The following MLLT10 variants were observed in gnomAD, a reference collection of about 807,000 sequenced individuals.
MLLT10 encodes MLLT10 histone lysine methyltransferase DOT1L cofactor, also known as protein AF-10.
In MLLT10, 30 loss-of-function variants were observed where a neutral mutation model predicts 129.1. The observed-to-expected ratio is 0.23, with a 90% CI of 0.17 to 0.32. The LOEUF (loss-of-function observed/expected upper bound fraction) is 0.32, where lower values mean the gene tolerates loss of function less well. Among genes scored for constraint, MLLT10 ranks in the 10% least tolerant of loss-of-function variants. The pLI is 1.00. For synonymous variants in MLLT10, 490 were observed against 446.4 expected, an observed-to-expected ratio of 1.10 and a Z score of -1.23; for missense variants, 1,119 against 1,268.3, an observed-to-expected ratio of 0.88 and a Z score of 1.79.
intron 3 of MLLT10, among the ~76,000 whole-genome samples, chr10:21,542,878 C>T (rs575840043): frequency 6.6e-6 from 1 of 152,120 alleles, no homozygotes; most frequent in East Asian, 1.9e-4. Context: ...AAAGTGAAAC[C>T]CTCTTTAAGA....
intron 15 of MLLT10, 84 bp from the exon 16 acceptor site, chr10:21,727,772 G>A: frequency 1.9e-6 from 2 of 1,036,514 alleles, no homozygotes; most frequent in East Asian, 5.0e-5. Context: ...TTTAATGTAT[G>A]TTTTAGGAAA....
intron 8 of MLLT10, among the ~76,000 whole-genome samples, chr10:21,626,782 G>T (rs1479329302): frequency 6.6e-6 from 1 of 152,140 alleles, no homozygotes; most frequent in East Asian, 1.9e-4. Flanking sequence ...GAGTTACCTG[G>T]TACCTGCCCT....
chr10:21,574,441 A>G (rs750599274), intron 3 of MLLT10, among the ~76,000 whole-genome samples: 2 of 152,236 alleles, frequency 1.3e-5, no homozygotes, highest in African/African-American at 2.4e-5. Context: ...CCAGACCCCA[A>G]GAGAGGGGTT....
chr10:21,672,492 G>A (rs1471059670), intron 10 of MLLT10, among the ~76,000 whole-genome samples: 1 of 152,040 alleles, frequency 6.6e-6, no homozygotes, highest in African/African-American at 2.4e-5. Context: ...TTTCAGTAGA[G>A]TCGGGGGTTT....
intron 8 of MLLT10, 55 bp downstream of exon 8, chr10:21,617,262 T>G: frequency 2.6e-5 from 26 of 1,007,130 alleles, no homozygotes; most frequent in Non-Finnish European, 3.6e-5. Context: ...TAGAATTTTT[T>G]TTTGCCTTTT....
intron 14 of MLLT10, among the ~76,000 whole-genome samples, chr10:21,714,151 A>G (rs2056350368): frequency 6.6e-6 from 1 of 152,190 alleles, no homozygotes; most frequent in Non-Finnish European, 1.5e-5. Context: ...TATGGGCACC[A>G]ACTAATTCTT....
At chr10:21,647,631 A>T (rs2048620359) in intron 8 of MLLT10, among the ~76,000 whole-genome samples, 2 of 149,684 alleles carry the variant, frequency 1.3e-5, no homozygotes, top group South Asian at 4.4e-4. Flanking sequence ...GGAGAAAAAT[A>T]CTACCTTTAG....
chr10:21,688,246 G>A (rs966458888), intron 13 of MLLT10, among the ~76,000 whole-genome samples: 30 of 152,200 alleles, frequency 2.0e-4, no homozygotes, highest in African/African-American at 7.2e-4. Context: ...GAGGGAAGCA[G>A]TACAAATGGG....
At chr10:21,705,136 C>T (rs376218485) in intron 13 of MLLT10, among the ~76,000 whole-genome samples, 15 of 152,156 alleles carry the variant, frequency 9.9e-5, no homozygotes, top group Middle Eastern at 3.4e-3. Flanking sequence ...TGTGCGAAGA[C>T]GGTGGCAGTG....
intron 9 of MLLT10, among the ~76,000 whole-genome samples, chr10:21,667,942 G>C (rs762021178): frequency 6.6e-6 from 1 of 152,066 alleles, no homozygotes; most frequent in Non-Finnish European, 1.5e-5. Flanking sequence ...TAAAAATGAC[G>C]TGTATTCTGA....
At chr10:21,732,866 GT>G (rs760336285) in intron 17 of MLLT10, 32 bp from the exon 18 acceptor site, 3 of 1,589,336 alleles carry the variant, frequency 1.9e-6, no homozygotes, top group Non-Finnish European at 2.6e-6. Flanking sequence ...GTGTGTACTT[GT>G]CATTATTAAA....
At chr10:21,583,021 T>C (rs939928621) in intron 3 of MLLT10, among the ~76,000 whole-genome samples, 12 of 151,996 alleles carry the variant, frequency 7.9e-5, no homozygotes, top group African/African-American at 2.7e-4. Flanking sequence ...ATAGAAAAAG[T>C]TAGCTGGACG....
intron 6 of MLLT10, 33 bp downstream of exon 6, chr10:21,612,484 A>T: frequency 7.2e-7 from 1 of 1,381,170 alleles, no homozygotes. Flanking sequence ...ACAGAACTGA[A>T]CTTGGTAAAT....
intron 3 of MLLT10, chr10:21,556,798 T>C (rs1564404270): frequency 2.5e-6 from 4 of 1,582,228 alleles, no homozygotes; most frequent in Non-Finnish European, 2.6e-6. Context: ...GGGCTTGTCT[T>C]ACTACAGCAG....
chr10:21,623,969 C>T (rs1286985921), intron 8 of MLLT10, among the ~76,000 whole-genome samples: 1 of 151,660 alleles, frequency 6.6e-6, no homozygotes, highest in Non-Finnish European at 1.5e-5. Flanking sequence ...CTTACATGAA[C>T]AGGAAATTGG....
intron 9 of MLLT10, among the ~76,000 whole-genome samples, chr10:21,658,424 G>T (rs569038708): frequency 2.0e-5 from 3 of 152,050 alleles, no homozygotes; most frequent in South Asian, 4.2e-4. Context: ...TTTTCTTGTT[G>T]TATGTTTTAA....
intron 5 of MLLT10, among the ~76,000 whole-genome samples, chr10:21,604,686 C>T (rs1438452282): frequency 6.6e-6 from 1 of 152,082 alleles, no homozygotes; most frequent in Non-Finnish European, 1.5e-5. Flanking sequence ...AGAAGCATTC[C>T]CATTCCAAAA....
In MLLT10 at chr10:21,580,389, ATT is replaced by A. The variant is rs113206788; in HGVS notation, c.241-5890_241-5889del. On this transcript the variant is annotated intron_variant, in intron 3 of 22. Coordinates refer to ENST00000307729, the MANE Select transcript of MLLT10 (RefSeq NM_001195626.3). ...ACAGTCCTATTAATATATTTTGTGTATTTTTTTTTTTTTTTTCGAGATGGAGT... is the reference window on the plus strand; with the variant it reads ...ACAGTCCTATTAATATATTTTGTGTATTTTTTTTTTTTTTCGAGATGGAGT... Among the ~76,000 whole-genome samples, 10 of 129,652 alleles carry A rather than the reference ATT, an allele frequency of 7.7e-5. No individual in the cohort carries two copies. The East Asian group carries it at 9.5e-4, about 12-fold the overall frequency. 85.1% of individuals were successfully genotyped at this position (129,652 alleles called of 152,430 possible).
intron 4 of MLLT10, among the ~76,000 whole-genome samples, chr10:21,589,616 T>C (rs889577582): frequency 1.3e-5 from 2 of 152,164 alleles, no homozygotes; most frequent in African/African-American, 4.8e-5. Flanking sequence ...CCTCTGAAAC[T>C]TTTAGGATAC....
Sources: allele counts gnomAD v4.1 joint callset (sites outside exome capture counted in the v4.1 genomes callset), GRCh38; gene constraint gnomAD v4.1.1; transcripts MANE v1.5; gene names NCBI Gene and HGNC (gene_info 2026-07-23, HGNC 2026-07-21).